ELN: variants seen among roughly 807,000 people sequenced by gnomAD.
The protein encoded by ELN is elastin.
ELN carries 65 observed loss-of-function variants against 105.8 expected under a neutral mutation model. That is an observed-to-expected ratio of 0.61 (90% CI 0.50 to 0.75). The LOEUF is 0.75. Among genes scored for constraint, ELN ranks in the 30% least tolerant of loss-of-function variants. The pLI, the probability that ELN is intolerant of heterozygous loss-of-function variation, is 0.00. For synonymous variants in ELN, 368 were observed against 389.2 expected (o/e 0.95, Z 0.64); for missense variants, 882 against 969.4 (o/e 0.91, Z 1.20).
chr7:74,064,269 G>T (rs1797418142), intron 29 of ELN, among the ~76,000 whole-genome samples: 2 of 151,800 alleles, frequency 1.3e-5, no homozygotes, highest in African/African-American at 2.4e-5. Flanking sequence ...CAAAAAATTA[G>T]CTGGGCGTGG....
At chr7:74,064,193 C>T (rs1316649139) in intron 29 of ELN, among the ~76,000 whole-genome samples, 5 of 150,562 alleles carry the variant, frequency 3.3e-5, no homozygotes, top group Admixed American at 2.0e-4. Flanking sequence ...CTGAGGTGGG[C>T]AGATCACGAG....
Position 74,060,016 on chromosome 7 carries a change from G to T in ELN, c.1545G>T (p.Val515=). 6.2e-7 allele frequency: 1 copy of T among 1,614,044 alleles called. No individual in the cohort carries two copies. The highest frequency in any genetic ancestry group is 8.5e-7 in the Non-Finnish European group (1 of 1,179,992). ...TTGGTGTGGCTCCTGGCGTTGGCGT[G>T]GCTCCCGGCATTGGCCCTGGTGGAG... The part of the protein sequence containing the change: ...PGVGVAPGVG[V]APGIGPGGVA... The change falls in exon 23 of 33, where the codon GTG becomes GTT. Residue 515 remains valine, a synonymous_variant. Coordinates refer to ENST00000252034, the MANE Select transcript of ELN (RefSeq NM_000501.4).
intron 31 of ELN, 93 bp from the exon 32 acceptor site, chr7:74,066,637 CAG>C (rs1185196923): frequency 9.4e-6 from 11 of 1,170,530 alleles, no homozygotes; most frequent in Non-Finnish European, 1.4e-5. Flanking sequence ...TGATCCCAGA[CAG>C]AGGTCTTGGG....
Position 74,060,026 on chromosome 7 carries a change from A to C in ELN, c.1555A>C (p.Ile519Leu). ...VAPGVGVAPG[I>L]GPGGVAAAAK... ...TCCTGGCGTTGGCGTGGCTCCCGGC[A>C]TTGGCCCTGGTGGAGTTGCAGGTGA... Residue 519 changes from isoleucine (I) to leucine (L), a missense_variant, in exon 23 of 33, where the codon ATT becomes CTT. Transcript: ENST00000252034. The C allele has an allele frequency of 6.2e-7, 1 of 1,613,762 alleles. No individual in the cohort carries two copies. Among genetic ancestry groups the C allele is most frequent in the African/African-American group, 1.3e-5 (1 of 74,864 alleles).
intron 26 of ELN, among the ~76,000 whole-genome samples, chr7:74,061,567 G>C (rs905962692): frequency 6.6e-6 from 1 of 152,080 alleles, no homozygotes; most frequent in East Asian, 1.9e-4. Context: ...CAGGAGAATC[G>C]CTTGAACCCA....
Position 74,051,835 on chromosome 7 carries a change from C to T in ELN, c.885C>T (p.Ile295=), listed in dbSNP as rs782196025. Residue 295 remains isoleucine, a synonymous_variant, in exon 16 of 33, where the codon ATC becomes ATT. Transcript: ENST00000252034. ...VPGAIPGIGG[I]AGVGTPAAAA... The stretch of plus-strand genomic sequence containing the variant: ...GGGCAATTCCTGGAATTGGAGGCAT[C>T]GCAGGTAACATCTGTCCCAGCAGGG... The T allele has an allele frequency of 1.5e-5, 24 of 1,614,084 alleles. 1 individual carries two copies. The highest frequency in any genetic ancestry group is 3.3e-4 in the Middle Eastern group (2 of 6,084).
At chr7:74,029,818 C>T (rs1788270220) in intron 1 of ELN, among the ~76,000 whole-genome samples, 1 of 152,212 alleles carries the variant, frequency 6.6e-6, no homozygotes, top group African/African-American at 2.4e-5. Context: ...CATCAAGGAA[C>T]CTTGAGAATT....
intron 14 of ELN, 124 bp downstream of exon 14, chr7:74,048,325 A>G: frequency 6.6e-7 from 1 of 1,521,864 alleles, no homozygotes; most frequent in South Asian, 1.1e-5. Context: ...CCCTGGTCCA[A>G]ACCTGGAGCA....
chr7:74,048,267 G>A, intron 14 of ELN, 66 bp downstream of exon 14: 3 of 1,606,612 alleles, frequency 1.9e-6, no homozygotes, highest in Non-Finnish European at 2.6e-6. Flanking sequence ...AGAGCCCTGG[G>A]GTGGGTGAGG....
chr7:74,062,827 A>C (rs1796988566), intron 26 of ELN, among the ~76,000 whole-genome samples: 1 of 152,184 alleles, frequency 6.6e-6, no homozygotes. Flanking sequence ...CTGGGATTAC[A>C]GGTGTGAGCC....
At chr7:74,061,040 G>A (rs1796532714) in intron 25 of ELN, 61 bp from the exon 26 acceptor site, 7 of 1,604,730 alleles carry the variant, frequency 4.4e-6, no homozygotes, top group South Asian at 1.1e-5. Context: ...AGAGGAGGCG[G>A]CAGAACTCCC....
In ELN at chr7:74,059,794, A is replaced by G. The variant is rs183469056; in HGVS notation, c.1415-92A>G. On this transcript the variant is annotated intron_variant, in intron 22 of 32. Coordinates refer to ENST00000252034, the MANE Select transcript of ELN (RefSeq NM_000501.4). ...TGATCCAGGGTCACACAGCAAATCT[A>G]TGCCAGGGCCGAGGCTCCAGCCCTC... The G allele has an allele frequency of 1.5e-4, 124 of 800,756 alleles. No homozygotes were observed. In the African/African-American group the frequency reaches 1.9e-3, roughly 12 times the overall value. The allele number at this position is 800,756 out of a possible 1,614,324, so 49.6% of individuals were successfully genotyped here.
intron 29 of ELN, among the ~76,000 whole-genome samples, chr7:74,065,134 A>G (rs1797657968): frequency 6.6e-6 from 1 of 152,058 alleles, no homozygotes; most frequent in Non-Finnish European, 1.5e-5. Context: ...CTGTAGTTTC[A>G]GCTACTTGGG....
intron 29 of ELN, among the ~76,000 whole-genome samples, chr7:74,064,115 A>AT (rs1460933346): frequency 6.7e-6 from 1 of 149,892 alleles, no homozygotes; most frequent in African/African-American, 2.5e-5. Flanking sequence ...AAAAAAAAAA[A>AT]AGAAAGAAAG....
intron 1 of ELN, among the ~76,000 whole-genome samples, 188 bp downstream of exon 1, chr7:74,028,457 T>C (rs1670402542): frequency 6.6e-6 from 1 of 152,170 alleles, no homozygotes; most frequent in African/African-American, 2.4e-5. Context: ...AGGAGGAACC[T>C]GTCAAAGAGA....
At chr7:74,042,544 GC>G in intron 5 of ELN, 69 bp from the exon 6 acceptor site, 5 of 1,436,474 alleles carry the variant, frequency 3.5e-6, no homozygotes, top group Admixed American at 3.5e-5. Context: ...GCACAGCCAG[GC>G]AGGGCCAGAG....
chr7:74,042,796 G>T, intron 6 of ELN, 90 bp downstream of exon 6: 1 of 1,557,460 alleles, frequency 6.4e-7, no homozygotes, highest in South Asian at 1.1e-5. Context: ...ACTCAGGCTT[G>T]GGAGCCGGGT....
chr7:74,030,302 G>A (rs1292353633), intron 1 of ELN, among the ~76,000 whole-genome samples: 2 of 152,168 alleles, frequency 1.3e-5, no homozygotes, highest in Non-Finnish European at 2.9e-5. Flanking sequence ...GGAGGAGGGT[G>A]TCACTTATGC....
intron 4 of ELN, among the ~76,000 whole-genome samples, chr7:74,040,388 G>C (rs1196899311): frequency 9.9e-5 from 15 of 152,216 alleles, no homozygotes; most frequent in Admixed American, 9.8e-4. Context: ...GGCTGGCTGA[G>C]TTTCAGAGGG....
Sources: gnomAD v4.1 joint callset for allele counts (sites outside exome capture counted in the v4.1 genomes callset) on GRCh38, gnomAD v4.1.1 for gene constraint, MANE v1.5 for transcripts, NCBI Gene and HGNC (gene_info 2026-07-23, HGNC 2026-07-21) for gene names.